PRELID2: variants seen among roughly 807,000 people sequenced by gnomAD.
The protein encoded by PRELID2 is PRELI domain containing 2.
Under a neutral mutation model 28.4 loss-of-function variants are expected in PRELID2, and 25 were observed. The observed-to-expected ratio is 0.88, with a 90% CI of 0.64 to 1.23. PRELID2 has a LOEUF of 1.23. Among genes scored for constraint, PRELID2 ranks in the 50% most tolerant of loss-of-function variants. The pLI, the probability that PRELID2 is intolerant of heterozygous loss-of-function variation, is 0.00. For synonymous variants in PRELID2, 76 were observed against 71.6 expected (o/e 1.06, Z -0.31); for missense variants, 201 against 214.4 (o/e 0.94, Z 0.39).
intron 1 of PRELID2, among the ~76,000 whole-genome samples, chr5:145,725,900 C>T (rs1345092175): frequency 6.6e-6 from 1 of 152,094 alleles, no homozygotes; most frequent in Non-Finnish European, 1.5e-5. Context: ...AAAGAATTTA[C>T]ACGTGGGTGC....
At chr5:145,318,625 A>G in the PRELID2 span, among the ~76,000 whole-genome samples, 1 of 152,156 alleles carries the variant, frequency 6.6e-6, no homozygotes, top group East Asian at 1.9e-4. Context: ...CAAACCCCTT[A>G]CAGGAGGGGG....
chr5:145,616,530 T>C (rs1392885487), intron 1 of PRELID2, among the ~76,000 whole-genome samples: 1 of 152,088 alleles, frequency 6.6e-6, no homozygotes, highest in East Asian at 1.9e-4. Context: ...TAAAGCTGGG[T>C]GTCCAGGGGA....
chr5:145,487,145 G>C (rs1420856339), intron 1 of PRELID2, among the ~76,000 whole-genome samples: 1 of 148,962 alleles, frequency 6.7e-6, no homozygotes, highest in African/African-American at 2.5e-5. Context: ...AATGCTAGAT[G>C]ATGAGTTAGT....
At chr5:145,833,606 C>T (rs1477025144) in intron 1 of PRELID2, among the ~76,000 whole-genome samples, 1 of 152,204 alleles carries the variant, frequency 6.6e-6, no homozygotes, top group African/African-American at 2.4e-5. Context: ...TATCAGCAAG[C>T]TGACATTCCT....
At chr5:145,809,586 C>A (rs1429585936) in intron 4 of PRELID2, among the ~76,000 whole-genome samples, 1 of 152,240 alleles carries the variant, frequency 6.6e-6, no homozygotes, top group Non-Finnish European at 1.5e-5. Flanking sequence ...TGTGCCCAGC[C>A]TGGCTGAGCA....
intron 1 of PRELID2, among the ~76,000 whole-genome samples, chr5:145,712,283 T>G (rs1755715660): frequency 6.6e-6 from 1 of 152,224 alleles, no homozygotes; most frequent in Admixed American, 6.5e-5. Flanking sequence ...CCTAATGATT[T>G]TACGGTATTT....
intron 1 of PRELID2, among the ~76,000 whole-genome samples, chr5:145,685,320 T>C (rs372964952): frequency 1.3e-5 from 2 of 152,186 alleles, no homozygotes; most frequent in Admixed American, 1.3e-4. Context: ...CCATAAGGCA[T>C]ACTGAACAAC....
At chr5:145,410,658 G>T in the PRELID2 span, among the ~76,000 whole-genome samples, 3 of 151,956 alleles carry the variant, frequency 2.0e-5, no homozygotes, top group African/African-American at 4.8e-5. Flanking sequence ...ACAGCATGGG[G>T]GAAACTGCCC....
the PRELID2 span, among the ~76,000 whole-genome samples, chr5:145,289,242 A>G: frequency 9.9e-5 from 15 of 152,148 alleles, no homozygotes; most frequent in Admixed American, 5.9e-4. Context: ...AGGACTATAC[A>G]GAATAGTTTC....
At chr5:145,455,557 T>C in the PRELID2 span, among the ~76,000 whole-genome samples, 1 of 152,328 alleles carries the variant, frequency 6.6e-6, no homozygotes, top group East Asian at 1.9e-4. Context: ...TTCATGATAT[T>C]GATTCTTCCT....
chr5:145,406,521 C>T, the PRELID2 span, among the ~76,000 whole-genome samples: 3 of 152,042 alleles, frequency 2.0e-5, no homozygotes, highest in African/African-American at 7.2e-5. Flanking sequence ...TTTTTGTGTA[C>T]AACAATGTTG....
intron 1 of PRELID2, among the ~76,000 whole-genome samples, chr5:145,525,361 C>T (rs555266439): frequency 1.3e-5 from 2 of 152,182 alleles, no homozygotes; most frequent in South Asian, 4.1e-4. Context: ...TACACACACA[C>T]CCTTGTTCTC....
At chr5:145,437,577 G>T in the PRELID2 span, among the ~76,000 whole-genome samples, 4 of 152,082 alleles carry the variant, frequency 2.6e-5, no homozygotes, top group Non-Finnish European at 5.9e-5. Context: ...ATAGAAGACA[G>T]TATTTCGTGG....
chr5:145,391,244 A>G, the PRELID2 span, among the ~76,000 whole-genome samples: 16 of 152,236 alleles, frequency 1.1e-4, no homozygotes, highest in Non-Finnish European at 2.4e-4. Flanking sequence ...ACATCCAGGC[A>G]TTTCCATACA....
rs116629530 is a variant in PRELID2 at position 145,518,588 on chromosome 5, G to A, written n.71-45273C>T. Among the ~76,000 whole-genome samples the A allele has an allele frequency of 2.6e-3, 391 of 152,318 alleles. 2 individuals carry two copies. The highest frequency in any genetic ancestry group is 9.1e-3 in the African/African-American group (377 of 41,578). ...AGTTAAATACAAAGATTGGAAGTAA[G>A]AGAAGTTGTCTAGGCTAACAATATA... On this transcript the variant is annotated intron_variant and non_coding_transcript_variant, in intron 1 of 2. Transcript: ENST00000510259.
intron 5 of PRELID2, among the ~76,000 whole-genome samples, chr5:145,772,740 C>T (rs1285560288): frequency 6.6e-6 from 1 of 152,208 alleles, no homozygotes; most frequent in African/African-American, 2.4e-5. Context: ...ACATTCAAAC[C>T]ATAGCAGGTA....
At chr5:145,265,689 A>G in the PRELID2 span, among the ~76,000 whole-genome samples, 1 of 152,208 alleles carries the variant, frequency 6.6e-6, no homozygotes, top group South Asian at 2.1e-4. Flanking sequence ...TTGACTAAGC[A>G]AGCAAAAACA....
chr5:145,608,039 C>T (rs1408262919), intron 1 of PRELID2, among the ~76,000 whole-genome samples: 4 of 132,942 alleles, frequency 3.0e-5, no homozygotes, highest in Admixed American at 2.8e-4. Context: ...ATTTAAAGCC[C>T]GTTTTTTTTT....
At chr5:145,405,339 G>A in the PRELID2 span, among the ~76,000 whole-genome samples, 1 of 152,126 alleles carries the variant, frequency 6.6e-6, no homozygotes, top group African/African-American at 2.4e-5. Context: ...CCCCACCTAT[G>A]TTAGTTAATT....
Sources: gnomAD v4.1 joint callset for allele counts (sites outside exome capture counted in the v4.1 genomes callset) on GRCh38, gnomAD v4.1.1 for gene constraint, MANE v1.5 for transcripts, NCBI Gene and HGNC (gene_info 2026-07-23, HGNC 2026-07-21) for gene names.